The following KHDRBS3 variants were observed in gnomAD, a reference collection of about 807,000 sequenced individuals.
KHDRBS3 encodes the protein KH domain-containing, RNA-binding, signal transduction-associated protein 3.
KHDRBS3 carries 23 observed loss-of-function variants against 45.6 expected under a neutral mutation model. The observed-to-expected ratio is 0.50, with a 90% CI of 0.36 to 0.72. KHDRBS3 has a LOEUF of 0.72. KHDRBS3 is among the 30% of genes least tolerant of loss of function. The pLI is 0.00. For missense variants in KHDRBS3, 352 were observed against 424.8 expected, an observed-to-expected ratio of 0.83 and a Z score of 1.51; for synonymous variants, 162 against 156.5, an observed-to-expected ratio of 1.04 and a Z score of -0.26.
chr8:135,624,704 C>G (rs1217929539), intron 7 of KHDRBS3, among the ~76,000 whole-genome samples: 1 of 152,178 alleles, frequency 6.6e-6, no homozygotes, highest in Non-Finnish European at 1.5e-5. Flanking sequence ...CTTCCTTCCC[C>G]AACACAATGT....
At chr8:135,515,290 C>A (rs1028933501) in intron 1 of KHDRBS3, among the ~76,000 whole-genome samples, 2 of 142,626 alleles carry the variant, frequency 1.4e-5, no homozygotes, top group Admixed American at 1.5e-4. Context: ...GACGTGAACC[C>A]GGGAGGCGGA....
intron 3 of KHDRBS3, among the ~76,000 whole-genome samples, chr8:135,544,595 G>GAGCAC (rs761339944): frequency 6.6e-6 from 1 of 152,068 alleles, no homozygotes; most frequent in East Asian, 1.9e-4. Flanking sequence ...TTTTGCTGAT[G>GAGCAC]AGCACCTTGA....
chr8:135,462,153 T>C (rs1821461592), intron 1 of KHDRBS3, among the ~76,000 whole-genome samples: 1 of 152,154 alleles, frequency 6.6e-6, no homozygotes, highest in Non-Finnish European at 1.5e-5. Flanking sequence ...GCCTTCATGC[T>C]ATAGTTTGTG....
At chr8:135,623,326 C>T (rs1249452134) in intron 7 of KHDRBS3, among the ~76,000 whole-genome samples, 2 of 152,150 alleles carry the variant, frequency 1.3e-5, no homozygotes, top group East Asian at 3.8e-4. Flanking sequence ...AATACTGAAG[C>T]TTGAGTCAAA....
chr8:135,641,997 G>T (rs766529780), intron 7 of KHDRBS3, among the ~76,000 whole-genome samples: 1 of 152,066 alleles, frequency 6.6e-6, no homozygotes, highest in Non-Finnish European at 1.5e-5. Flanking sequence ...ATATTATTCC[G>T]TGAGGGAAAA....
At chr8:135,503,733 A>C (rs1453303061) in intron 1 of KHDRBS3, among the ~76,000 whole-genome samples, 1 of 152,134 alleles carries the variant, frequency 6.6e-6, no homozygotes, top group Non-Finnish European at 1.5e-5. Flanking sequence ...TGGAACCTCC[A>C]ACTTCAGGTT....
At chr8:135,551,282 A>G (rs879367565) in intron 4 of KHDRBS3, among the ~76,000 whole-genome samples, 1 of 152,064 alleles carries the variant, frequency 6.6e-6, no homozygotes, top group South Asian at 2.1e-4. Flanking sequence ...ATTCCACTCC[A>G]TTCCGTTCCT....
At chr8:135,572,673 C>T (rs1426797944) in intron 5 of KHDRBS3, among the ~76,000 whole-genome samples, 1 of 152,202 alleles carries the variant, frequency 6.6e-6, no homozygotes, top group Admixed American at 6.5e-5. Flanking sequence ...GGTCCTCAGG[C>T]GATGTGGATG....
chr8:135,617,958 G>C (rs929906936), intron 7 of KHDRBS3, among the ~76,000 whole-genome samples: 2 of 152,190 alleles, frequency 1.3e-5, no homozygotes, highest in African/African-American at 4.8e-5. Flanking sequence ...GTTACTTGTT[G>C]CAGGTTGACT....
At chr8:135,569,391 A>G (rs539268914) in intron 5 of KHDRBS3, among the ~76,000 whole-genome samples, 2 of 152,308 alleles carry the variant, frequency 1.3e-5, no homozygotes, top group East Asian at 1.9e-4. Flanking sequence ...TTACTGGGCA[A>G]ATTGGCAAGA....
chr8:135,634,914 A>G (rs1195896929), intron 7 of KHDRBS3, among the ~76,000 whole-genome samples: 1 of 152,192 alleles, frequency 6.6e-6, no homozygotes, highest in African/African-American at 2.4e-5. Context: ...GGCCTCCTGA[A>G]ATTTGCTGAA....
At chr8:135,555,649 G>A (rs962915053) in intron 4 of KHDRBS3, among the ~76,000 whole-genome samples, 6 of 152,096 alleles carry the variant, frequency 3.9e-5, no homozygotes, top group Non-Finnish European at 5.9e-5. Context: ...AGTACCAGCT[G>A]CAGAAGAGAC....
At chr8:135,536,734 G>A (rs1487022648) in intron 2 of KHDRBS3, among the ~76,000 whole-genome samples, 1 of 151,640 alleles carries the variant, frequency 6.6e-6, no homozygotes, top group African/African-American at 2.4e-5. Flanking sequence ...GCCGAGGCGG[G>A]TGGATCATGA....
rs73713807 is a variant in KHDRBS3 at position 135,640,715 on chromosome 8, C to T, written c.891-4344C>T. Among the ~76,000 whole-genome samples, 1,331 of 152,266 alleles carry T rather than the reference C, an allele frequency of 8.7e-3. 13 individuals carry two copies. Among genetic ancestry groups the T allele is most frequent in the African/African-American group, 0.024 (986 of 41,538 alleles). Reference sequence around the variant, plus strand: ...CCTGGTGCCAGGAAGGGAAGCCCCCCTCTTGATCTGTTGAGAGAGGGGCCT... The same window carrying T: ...CCTGGTGCCAGGAAGGGAAGCCCCCTTCTTGATCTGTTGAGAGAGGGGCCT... On this transcript the variant is annotated intron_variant, in intron 7 of 8. Transcript: ENST00000355849.
chr8:135,629,539 G>A (rs1282365278), intron 7 of KHDRBS3, among the ~76,000 whole-genome samples: 1 of 152,196 alleles, frequency 6.6e-6, no homozygotes, highest in African/African-American at 2.4e-5. Context: ...GCTTCTAAGT[G>A]GAAGAAGAGG....
At chr8:135,589,942 A>C (rs1250972775) in intron 6 of KHDRBS3, among the ~76,000 whole-genome samples, 1 of 152,252 alleles carries the variant, frequency 6.6e-6, no homozygotes, top group Non-Finnish European at 1.5e-5. Flanking sequence ...CACTTAGTGA[A>C]CTAATAAGTA....
intron 1 of KHDRBS3, chr8:135,458,406 T>G (rs1057037626): frequency 1.4e-5 from 3 of 214,586 alleles, no homozygotes; most frequent in Non-Finnish European, 1.9e-5. Flanking sequence ...GCAGAAGAGG[T>G]GAAGGGAACA....
chr8:135,551,370 C>T (rs1326377630), intron 4 of KHDRBS3, among the ~76,000 whole-genome samples: 2 of 151,964 alleles, frequency 1.3e-5, no homozygotes, highest in African/African-American at 2.4e-5. Flanking sequence ...TCACCATTGG[C>T]TATAGGTTTT....
intron 2 of KHDRBS3, among the ~76,000 whole-genome samples, chr8:135,531,225 T>A (rs1441991380): frequency 6.6e-6 from 1 of 152,196 alleles, no homozygotes; most frequent in African/African-American, 2.4e-5. Context: ...TACACTTCAT[T>A]GATCTTTAGA....
Sources: allele counts gnomAD v4.1 joint callset (sites outside exome capture counted in the v4.1 genomes callset), GRCh38; gene constraint gnomAD v4.1.1; transcripts MANE v1.5; gene names NCBI Gene and HGNC (gene_info 2026-07-23, HGNC 2026-07-21).